Variants in SNTB2 observed in about 807,000 individuals in gnomAD.
The protein encoded by SNTB2 is syntrophin beta 2, also known as beta-2-syntrophin.
In SNTB2, 34 loss-of-function variants were observed where a neutral mutation model predicts 46.2. The ratio of observed to expected loss-of-function variants is 0.74; its 90% CI spans 0.56 to 0.98. SNTB2 has a LOEUF of 0.98. SNTB2 is among the 50% of genes least tolerant of loss of function. The pLI is 0.00. For synonymous variants in SNTB2, 290 were observed against 312.6 expected, an observed-to-expected ratio of 0.93 and a Z score of 0.76; for missense variants, 603 against 731.4, an observed-to-expected ratio of 0.82 and a Z score of 2.02.
intron 1 of SNTB2, among the ~76,000 whole-genome samples, chr16:69,223,439 C>T (rs1043619811): frequency 1.3e-5 from 2 of 152,110 alleles, no homozygotes; most frequent in African/African-American, 2.4e-5. Context: ...AGGTAATGCA[C>T]CTACCTCAGC....
chr16:69,269,662 T>A (rs1252796112), intron 3 of SNTB2, among the ~76,000 whole-genome samples: 2 of 152,252 alleles, frequency 1.3e-5, no homozygotes, highest in Non-Finnish European at 2.9e-5. Context: ...TCAAAAACTT[T>A]GATGTTTAGA....
intron 1 of SNTB2, among the ~76,000 whole-genome samples, chr16:69,192,958 A>G (rs977041201): frequency 6.6e-6 from 1 of 151,952 alleles, no homozygotes; most frequent in African/African-American, 2.4e-5. Flanking sequence ...GTTTTTCTAC[A>G]TTTTTCTTTT....
intron 1 of SNTB2, among the ~76,000 whole-genome samples, chr16:69,203,112 G>A (rs1431473899): frequency 1.3e-5 from 2 of 151,254 alleles, no homozygotes; most frequent in South Asian, 2.1e-4. Context: ...TCCATCTCCC[G>A]GATTCAAGCA....
chr16:69,251,074 G>A (rs984712631), intron 2 of SNTB2, among the ~76,000 whole-genome samples: 1 of 148,202 alleles, frequency 6.7e-6, no homozygotes, highest in African/African-American at 2.5e-5. Flanking sequence ...CGCCTCCCGG[G>A]TTCACGCCAT....
chr16:69,283,021 G>A (rs991340378), intron 4 of SNTB2, among the ~76,000 whole-genome samples: 3 of 152,222 alleles, frequency 2.0e-5, no homozygotes, highest in Middle Eastern at 3.4e-3. Context: ...CATGGCTCAT[G>A]GCAGCCTCAA....
At chr16:69,243,878 G>A (rs1245184236) in intron 1 of SNTB2, among the ~76,000 whole-genome samples, 2 of 152,026 alleles carry the variant, frequency 1.3e-5, no homozygotes, top group African/African-American at 4.8e-5. Flanking sequence ...TCTAGCATTG[G>A]AATTGTTATA....
chr16:69,222,257 A>T (rs1489037357), intron 1 of SNTB2, among the ~76,000 whole-genome samples: 2 of 152,200 alleles, frequency 1.3e-5, no homozygotes, highest in Non-Finnish European at 2.9e-5. Context: ...TTGTCTTTTA[A>T]ATGATAAGTA....
chr16:69,268,210 T>A (rs887190315), intron 3 of SNTB2, among the ~76,000 whole-genome samples: 1 of 152,228 alleles, frequency 6.6e-6, no homozygotes, highest in African/African-American at 2.4e-5. Context: ...ACACTTGTAA[T>A]CCCAGCACTT....
intron 1 of SNTB2, among the ~76,000 whole-genome samples, chr16:69,213,838 T>C (rs1264242145): frequency 6.9e-6 from 1 of 145,828 alleles, no homozygotes; most frequent in Non-Finnish European, 1.5e-5. Flanking sequence ...TTTTTTTTTT[T>C]TTTTTTGAGA....
At chr16:69,210,047 C>A (rs1446524577) in intron 1 of SNTB2, among the ~76,000 whole-genome samples, 3 of 97,384 alleles carry the variant, frequency 3.1e-5, no homozygotes, top group Non-Finnish European at 6.2e-5. Context: ...TTTTTTTAGA[C>A]GGAGTTTTGC....
At chr16:69,267,122 G>GCTCTGTTCTCT (rs1417302396) in intron 3 of SNTB2, among the ~76,000 whole-genome samples, 1 of 151,994 alleles carries the variant, frequency 6.6e-6, no homozygotes, top group Non-Finnish European at 1.5e-5. Context: ...CTGCCTCCCG[G>GCTCTGTTCTCT]GTTCAAGCGA....
chr16:69,236,386 G>A (rs1306029807), intron 1 of SNTB2, among the ~76,000 whole-genome samples: 1 of 152,090 alleles, frequency 6.6e-6, no homozygotes, highest in African/African-American at 2.4e-5. Context: ...TCAGTTAAGA[G>A]GCCAGTACAG....
chr16:69,245,655 G>A lies in SNTB2; in HGVS notation c.634G>A (p.Asp212Asn). ...PYIKKPSLVS[D>N]LPWEGAAPQS... ...TATCAAGAAGCCATCATTAGTATCA[G>A]ATCTGCCGTGGGAAGGTGCAGCCCC... is the stretch of plus-strand genomic sequence containing the variant. The change falls in exon 2 of 7, where the codon GAT becomes AAT. Residue 212 changes from aspartate to asparagine, a missense_variant. Coordinates refer to ENST00000336278, the MANE Select transcript of SNTB2 (RefSeq NM_006750.4). The A allele has an allele frequency of 6.2e-7, 1 of 1,614,072 alleles. No homozygotes were observed. The highest frequency in any genetic ancestry group is 8.5e-7 in the Non-Finnish European group (1 of 1,180,022).
At chr16:69,265,063 C>A (rs1011789135) in intron 3 of SNTB2, among the ~76,000 whole-genome samples, 1 of 152,006 alleles carries the variant, frequency 6.6e-6, no homozygotes, top group African/African-American at 2.4e-5. Context: ...TCCTGTCTAA[C>A]ATGGTGAAAC....
chr16:69,254,051 A>T (rs1274625500), intron 2 of SNTB2, among the ~76,000 whole-genome samples: 1 of 152,146 alleles, frequency 6.6e-6, no homozygotes, highest in Non-Finnish European at 1.5e-5. Context: ...AAAAGATGTT[A>T]TACTGGTTAC....
intron 1 of SNTB2, among the ~76,000 whole-genome samples, chr16:69,244,640 A>G (rs1430814081): frequency 6.6e-6 from 1 of 152,210 alleles, no homozygotes; most frequent in South Asian, 2.1e-4. Flanking sequence ...AAAGCTTCCT[A>G]TCTACTAAAA....
At chr16:69,222,624 G>A (rs1037872757) in intron 1 of SNTB2, among the ~76,000 whole-genome samples, 24 of 151,360 alleles carry the variant, frequency 1.6e-4, no homozygotes, top group African/African-American at 5.8e-4. Flanking sequence ...TATAAGATGT[G>A]TTAAAAAGCA....
chr16:69,215,883 G>A (rs1902335666), intron 1 of SNTB2, among the ~76,000 whole-genome samples: 1 of 152,158 alleles, frequency 6.6e-6, no homozygotes, highest in Admixed American at 6.5e-5. Flanking sequence ...GCTCACTGCA[G>A]CCTCAAACTC....
At chr16:69,219,262 AT>A (rs1258933014) in intron 1 of SNTB2, among the ~76,000 whole-genome samples, 1 of 152,200 alleles carries the variant, frequency 6.6e-6, no homozygotes, top group Non-Finnish European at 1.5e-5. Flanking sequence ...GAAAGATTAA[AT>A]AACCTAAGGA....
Sources: gnomAD v4.1 joint callset for allele counts (sites outside exome capture counted in the v4.1 genomes callset) on GRCh38, gnomAD v4.1.1 for gene constraint, MANE v1.5 for transcripts, NCBI Gene and HGNC (gene_info 2026-07-23, HGNC 2026-07-21) for gene names.